Variants in CSNK2B observed in about 807,000 individuals in gnomAD.
The protein encoded by CSNK2B is casein kinase II subunit beta.
CSNK2B carries 2 observed loss-of-function variants against 28.8 expected under a neutral mutation model. The observed-to-expected ratio is 0.07, with a 90% CI of 0.03 to 0.22. CSNK2B has a LOEUF of 0.22. Among genes scored for constraint, CSNK2B ranks in the 10% least tolerant of loss-of-function variants. The probability of loss-of-function intolerance (pLI) is 1.00; values close to 1 mark genes in which losing one functional copy is unlikely to be tolerated. For missense variants in CSNK2B, 107 were observed against 277.9 expected (o/e 0.39, Z 4.37); for synonymous variants, 89 against 96.1 (o/e 0.93, Z 0.43).
Position 31,669,941 on chromosome 6 carries a change from T to A in CSNK2B, c.*15T>A. The A allele has an allele frequency of 1.2e-6, 2 of 1,606,130 alleles. No homozygotes were observed. The highest frequency in any genetic ancestry group is 1.7e-6 in the Non-Finnish European group (2 of 1,176,558). On this transcript the variant is annotated 3_prime_UTR_variant, in exon 7 of 7. Transcript: ENST00000375882. The surrounding 1 kb of genome is among the most constrained non-coding windows in gnomAD (Gnocchi z 4.8). ...CGATTCGCTGATTCCCTCCCCCACC[T>A]GTCCTGCAGTCTTTGACTTTTCCTT...
In CSNK2B at chr6:31,669,036, C is replaced by A; in HGVS notation, c.292-61C>A. On this transcript the variant is annotated intron_variant, in intron 4 of 6. Transcript: ENST00000375882. This position sits in a 1 kb window ranked among gnomAD's most constrained non-coding sequence, Gnocchi z 4.8. ...GGACAGAGTGGTATGGGTTGGGCTG[C>A]GAAGGGAGTTGCCTCTTCTTTACAT... The A allele has an allele frequency of 1.5e-6, 2 of 1,328,842 alleles. No homozygotes were observed. The highest frequency in any genetic ancestry group is 2.2e-6 in the Non-Finnish European group (2 of 923,258). 82.3% of individuals were successfully genotyped at this position (1,328,842 alleles called of 1,614,324 possible).
chr6:31,668,906 C>T (rs1398609287), intron 4 of CSNK2B, 191 bp from the exon 5 acceptor site: 17 of 614,452 alleles, frequency 2.8e-5, no homozygotes, highest in Admixed American at 8.6e-5. Flanking sequence ...CAACAAATGG[C>T]TCTGATGGTT....
chr6:31,666,114 C>G lies in CSNK2B; in HGVS notation c.-106C>G. The stretch of plus-strand genomic sequence containing the variant: ...TCCCCCCACCCCACTTCGCCTGCCG[C>G]GGTCGGGTCCGCGGCCTGCGCTGTA... On this transcript the variant is annotated 5_prime_UTR_variant, in exon 1 of 7. Coordinates refer to ENST00000375882, the MANE Select transcript of CSNK2B (RefSeq NM_001320.7). 2 of 993,044 alleles carry G rather than the reference C, an allele frequency of 2.0e-6. No individual in the cohort carries two copies. The highest frequency in any genetic ancestry group is 2.4e-6 in the Non-Finnish European group (2 of 833,156). 61.5% of individuals were successfully genotyped at this position (993,044 alleles called of 1,614,324 possible).
chr6:31,666,966 A>G (rs1406763325), intron 2 of CSNK2B, 63 bp downstream of exon 2: 4 of 1,293,214 alleles, frequency 3.1e-6, no homozygotes, highest in Non-Finnish European at 3.4e-6. Context: ...ACGTTCCTTC[A>G]CATATTCCAC....
rs1201388129 is a variant in CSNK2B, at chr6:31,667,431, C to T, written c.73-437C>T. 1.8e-5 allele frequency: 6 copies of T among 335,290 alleles called. No individual in the cohort carries two copies. The East Asian group carries it at 3.1e-4, about 17-fold the overall frequency. The allele number at this position is 335,290 out of a possible 1,614,324, so 20.8% of individuals were successfully genotyped here. ...ACAGGCGTGAGCCATTGCGCCCGGC[C>T]TGTATCTTTTGTTACTAAAGTGGCA... On this transcript the variant is annotated intron_variant, in intron 2 of 6. Transcript: ENST00000375882.
In CSNK2B at chr6:31,670,055, G is replaced by T. The variant is rs1036412181; in HGVS notation, c.*129G>T. On this transcript the variant is annotated 3_prime_UTR_variant, in exon 7 of 7. Coordinates refer to ENST00000375882, the MANE Select transcript of CSNK2B (RefSeq NM_001320.7). Reference sequence around the variant, plus strand: ...CGTGGTGGGAATATGAAATAAAGTAGAAGAAAAGGCCATGAGCTAGTCTGC... The same window carrying T: ...CGTGGTGGGAATATGAAATAAAGTATAAGAAAAGGCCATGAGCTAGTCTGC... The T allele has an allele frequency of 2.5e-6, 2 of 787,706 alleles. No individual in the cohort carries two copies. Among genetic ancestry groups the T allele is most frequent in the South Asian group, 1.9e-5 (1 of 52,302 alleles). The allele number at this position is 787,706 out of a possible 1,614,324, so 48.8% of individuals were successfully genotyped here. A position where few individuals can be genotyped will look rare whatever the true frequency, so the allele number is the denominator to read the frequency against.
chr6:31,669,566 G>A lies in CSNK2B; in HGVS notation c.557+58G>A. The A allele has an allele frequency of 3.2e-6, 5 of 1,551,514 alleles. No homozygotes were observed. The highest frequency in any genetic ancestry group is 4.4e-6 in the Non-Finnish European group (5 of 1,147,824). On this transcript the variant is annotated intron_variant, in intron 6 of 6. Transcript: ENST00000375882. This position sits in a 1 kb window ranked among gnomAD's most constrained non-coding sequence, Gnocchi z 4.8. ...GGAAAGGCCCAAGATCCCCCAGAGA[G>A]GGGAGGACAGGGCATGGCCCTTTCT...
intron 2 of CSNK2B, 152 bp downstream of exon 2, chr6:31,667,055 T>G: frequency 4.0e-6 from 3 of 752,140 alleles, no homozygotes; most frequent in Admixed American, 2.0e-5. Context: ...GACGAACCTG[T>G]GCTAAAGTGG....
rs1802025190 is a variant in CSNK2B, at chr6:31,669,420, G to A, written c.469G>A (p.Ala157Thr). 6.2e-7 allele frequency: 1 copy of A among 1,614,088 alleles called. No individual in the cohort carries two copies. Among genetic ancestry groups the A allele is most frequent in the Non-Finnish European group, 8.5e-7 (1 of 1,180,042 alleles). The part of the protein sequence containing the change: ...KSSRHHHTDG[A>T]YFGTGFPHML... ...ATCAAGACACCATCACACGGATGGC[G>A]CCTACTTCGGCACTGGTTTCCCTCA... is the stretch of plus-strand genomic sequence containing the variant. Residue 157 changes from alanine to threonine, a missense_variant, in exon 6 of 7, where the codon GCC becomes ACC. By Grantham distance (58) the Ala-to-Thr change is moderately conservative. Transcript: ENST00000375882. The surrounding 1 kb of genome is among the most constrained non-coding windows in gnomAD (Gnocchi z 4.8).
intron 4 of CSNK2B, 183 bp downstream of exon 4, chr6:31,668,837 AG>A (rs1562051485): frequency 3.2e-6 from 2 of 628,396 alleles, no homozygotes; most frequent in Non-Finnish European, 5.6e-6. Context: ...GTTTTCAGGG[AG>A]GGAGACAGAC....
chr6:31,668,059 C>G (rs763629292), intron 3 of CSNK2B, 89 bp downstream of exon 3: 3 of 879,822 alleles, frequency 3.4e-6, no homozygotes, highest in Non-Finnish European at 5.7e-6. Context: ...TTGAAATTTC[C>G]TTTGGTTCTC....
At chr6:31,668,887 A>C (rs1387845756) in intron 4 of CSNK2B, 1 of 612,052 alleles carries the variant, frequency 1.6e-6, no homozygotes, top group Non-Finnish European at 2.9e-6. Context: ...CTCTTCCTCA[A>C]GGAACAAACA....
At position 31,667,927 on chromosome 6, in the gene CSNK2B, T is replaced by G; in HGVS notation, c.132T>G (p.Pro44=). The part of the protein sequence containing the change: ...FNLTGLNEQV[P]HYRQALDMIL... ...TTACTGGACTCAATGAGCAGGTCCC[T>G]CACTATCGACAAGCTCTAGACATGA... is the stretch of plus-strand genomic sequence containing the variant. Residue 44 remains proline, a synonymous_variant, in exon 3 of 7, where the codon CCT becomes CCG. Coordinates refer to ENST00000375882, the MANE Select transcript of CSNK2B (RefSeq NM_001320.7). 1 of 1,573,656 alleles carries G rather than the reference T, an allele frequency of 6.4e-7. No individual in the cohort carries two copies. Among genetic ancestry groups the G allele is most frequent in the Non-Finnish European group, 8.6e-7 (1 of 1,163,990 alleles).
chr6:31,668,118 C>T (rs1375620365), intron 3 of CSNK2B, 148 bp downstream of exon 3: 4 of 703,240 alleles, frequency 5.7e-6, no homozygotes, highest in East Asian at 5.4e-5. Flanking sequence ...CTCCACCTGA[C>T]TCTTGTCTAG....
intron 1 of CSNK2B, 60 bp from the exon 2 acceptor site, chr6:31,666,761 G>T (rs1291250999): frequency 7.2e-7 from 1 of 1,387,482 alleles, no homozygotes; most frequent in African/African-American, 1.4e-5. Flanking sequence ...GTGGGAGGAG[G>T]GAGGATACCA....
chr6:31,666,193 G>T lies in CSNK2B; in HGVS notation c.-27G>T, dbSNP rs1381995640. 4.6e-5 allele frequency: 46 copies of T among 992,480 alleles called. No homozygotes were observed. The highest frequency in any genetic ancestry group is 5.5e-5 in the Non-Finnish European group (46 of 833,412). 61.5% of individuals were successfully genotyped at this position (992,480 alleles called of 1,614,324 possible). On this transcript the variant is annotated 5_prime_UTR_variant, in exon 1 of 7. Transcript: ENST00000375882. ...AACTTCCCTACCCCACCCCAGTCCT[G>T]GTCCCCGTCCAGCCGGTGAGTCTGA...
intron 2 of CSNK2B, chr6:31,667,214 C>T (rs1489472373): frequency 3.7e-6 from 2 of 539,670 alleles, no homozygotes; most frequent in East Asian, 4.5e-5. Context: ...TTACTGCCAC[C>T]TCTGCCTCCC....
rs34161953 is a variant in CSNK2B, at chr6:31,668,186, CCAAA to C, written c.175+217_175+220del. On this transcript the variant is annotated intron_variant, in intron 3 of 6. Transcript: ENST00000375882. ...TCTAAATCCGCAATTCAGACCTATT[CCAAA>C]ATGCGTTTCCTCATGGGTCTGGTTT... 146,739 of 622,436 alleles carry C rather than the reference CCAAA, an allele frequency of 0.24. 19,555 individuals carry two copies. Among genetic ancestry groups the C allele is most frequent in the African/African-American group, 0.4 (21,564 of 54,336 alleles). The allele number at this position is 622,436 out of a possible 1,614,324, so 38.6% of individuals were successfully genotyped here. A position where few individuals can be genotyped will look rare whatever the true frequency, so the allele number is the denominator to read the frequency against.
intron 4 of CSNK2B, 90 bp downstream of exon 4, chr6:31,668,744 G>A (rs1801972653): frequency 1.6e-6 from 2 of 1,223,330 alleles, no homozygotes; most frequent in Non-Finnish European, 2.4e-6. Context: ...CCCTGTTTAA[G>A]GAAGCTAGCT....
Sources: gnomAD v4.1 joint callset for allele counts on GRCh38, gnomAD v4.1.1 for gene constraint, Gnocchi (gnomAD v3.1) non-coding constraint, MANE v1.5 for transcripts, NCBI Gene and HGNC (gene_info 2026-07-23, HGNC 2026-07-21) for gene names.